TDRD1: variants seen among roughly 807,000 people sequenced by gnomAD.
TDRD1 encodes the protein tudor domain-containing protein 1.
In TDRD1, 37 loss-of-function variants were observed where a neutral mutation model predicts 140.6. That is an observed-to-expected ratio of 0.26 (90% confidence interval 0.20 to 0.35). The LOEUF (loss-of-function observed/expected upper bound fraction) is 0.35, where lower values mean the gene tolerates loss of function less well. Ranked by LOEUF, TDRD1 falls within the 10% of genes least tolerant of loss-of-function variation. The pLI is 1.00. For synonymous variants in TDRD1, 506 were observed against 475.7 expected, an observed-to-expected ratio of 1.06 and a Z score of -0.83; for missense variants, 1,243 against 1,393.0, an observed-to-expected ratio of 0.89 and a Z score of 1.71.
intron 21 of TDRD1, among the ~76,000 whole-genome samples, chr10:114,224,231 A>C (rs1025525718): frequency 6.6e-6 from 1 of 152,168 alleles, no homozygotes; most frequent in Non-Finnish European, 1.5e-5. Flanking sequence ...TTTTCACTTA[A>C]AATTTTGAGG....
intron 21 of TDRD1, among the ~76,000 whole-genome samples, chr10:114,224,217 T>C (rs1475165360): frequency 6.6e-6 from 1 of 152,256 alleles, no homozygotes. Context: ...AGATTGGAAA[T>C]GGTTTTTCAC....
exon 12 of TDRD1, chr10:114,210,692 T>C: frequency 6.2e-7 from 1 of 1,613,044 alleles, no homozygotes; most frequent in Admixed American, 1.7e-5. Context: ...TTTTGTGGTG[T>C]GGTTGCCCAC....
intron 8 of TDRD1, 87 bp from the exon 9 acceptor site, chr10:114,203,986 C>T (rs2034935502): frequency 2.0e-6 from 3 of 1,486,790 alleles, no homozygotes; most frequent in African/African-American, 2.9e-5. Context: ...CTTTCCTTTG[C>T]ACGTTCTATA....
At chr10:114,217,298 A>G (rs561992708) in intron 16 of TDRD1, among the ~76,000 whole-genome samples, 1 of 152,144 alleles carries the variant, frequency 6.6e-6, no homozygotes, top group Non-Finnish European at 1.5e-5. Flanking sequence ...TGTACTGATA[A>G]TCATGCTGTA....
In TDRD1 at chr10:114,189,136, C is replaced by T. The variant is rs578203748; in HGVS notation, c.325+980C>T. The stretch of plus-strand genomic sequence containing the variant: ...AGGAGCGCCAACCTGAGTTTTTCAT[C>T]GTCATGCACTTAAAAGGAAAACCAG... On this transcript the variant is annotated intron_variant, in intron 2 of 25. Transcript: ENST00000251864. Among the ~76,000 whole-genome samples the T allele has an allele frequency of 3.3e-5, 5 of 152,276 alleles. No individual in the cohort carries two copies. In the South Asian group the frequency reaches 8.3e-4, roughly 25 times the overall value.
At chr10:114,217,144 C>T (rs192038657) in intron 16 of TDRD1, among the ~76,000 whole-genome samples, 3 of 152,306 alleles carry the variant, frequency 2.0e-5, no homozygotes, top group South Asian at 4.1e-4. Context: ...ACCTCCAGCA[C>T]GCAGAGCTCA....
chr10:114,202,382 G>T, intron 6 of TDRD1, 84 bp downstream of exon 6: 1 of 951,534 alleles, frequency 1.1e-6, no homozygotes, highest in Non-Finnish European at 1.5e-6. Context: ...GCTTATTTCT[G>T]TATTTTATCA....
intron 21 of TDRD1, among the ~76,000 whole-genome samples, chr10:114,224,584 T>G (rs975733198): frequency 5.9e-5 from 9 of 152,344 alleles, no homozygotes; most frequent in South Asian, 2.1e-4. Context: ...CTCTTTCATC[T>G]TTTTTGTTCT....
chr10:114,188,346 C>A (rs2033697156), intron 2 of TDRD1, among the ~76,000 whole-genome samples, 190 bp downstream of exon 2: 1 of 152,162 alleles, frequency 6.6e-6, no homozygotes, highest in Admixed American at 6.5e-5. Context: ...CTTCATTAAT[C>A]TCAGAAAAAA....
At chr10:114,182,291 A>C (rs1294951136) in intron 1 of TDRD1, among the ~76,000 whole-genome samples, 1 of 152,224 alleles carries the variant, frequency 6.6e-6, no homozygotes, top group African/African-American at 2.4e-5. Context: ...AATGAAAGGA[A>C]ACAAGAAGTT....
At position 114,203,981 on chromosome 10, in the gene TDRD1, C is replaced by T. The variant is rs1244946958; in HGVS notation, c.982-92C>T. On this transcript the variant is annotated intron_variant, in intron 8 of 25. Transcript: ENST00000251864. The stretch of plus-strand genomic sequence containing the variant: ...GAGTGCCTCAGAACAGGAGCCTTTC[C>T]TTTGCACGTTCTATAGATTGATTGA... 4 of 1,473,748 alleles carry T rather than the reference C, an allele frequency of 2.7e-6. No homozygotes were observed. In the African/African-American group the frequency reaches 5.8e-5, roughly 21 times the overall value. 91.3% of individuals were successfully genotyped at this position (1,473,748 alleles called of 1,614,324 possible).
chr10:114,192,795 G>A (rs566624201), intron 3 of TDRD1, among the ~76,000 whole-genome samples: 18 of 152,252 alleles, frequency 1.2e-4, no homozygotes, highest in Non-Finnish European at 1.9e-4. Flanking sequence ...CTTATTTTCT[G>A]TAGATATATG....
At chr10:114,191,100 A>G in intron 3 of TDRD1, 81 bp downstream of exon 3, 1 of 1,391,986 alleles carries the variant, frequency 7.2e-7, no homozygotes, top group Non-Finnish European at 9.9e-7. Flanking sequence ...GAAGTGTTCA[A>G]TTTGTAGGTA....
At chr10:114,179,511 ACGTTGAGGTTGGG>A (rs1180153053) in intron 1 of TDRD1, 95 bp downstream of exon 1, 3 of 152,754 alleles carry the variant, frequency 2.0e-5, no homozygotes, top group African/African-American at 7.2e-5. Context: ...TGGGCGCTGG[ACGTTGAGGTTGGG>A]CGTTGAGCGG....
chr10:114,206,500 A>G (rs529181850), intron 11 of TDRD1, among the ~76,000 whole-genome samples, 170 bp downstream of exon 11: 11 of 152,212 alleles, frequency 7.2e-5, no homozygotes, highest in Admixed American at 4.6e-4. Context: ...TCTAATCTCA[A>G]TCTTTCCTGC....
intron 4 of TDRD1, among the ~76,000 whole-genome samples, chr10:114,200,132 C>T (rs1160591074): frequency 6.6e-6 from 1 of 152,190 alleles, no homozygotes; most frequent in Non-Finnish European, 1.5e-5. Context: ...TTAATTATAG[C>T]CCTTCTCGTG....
intron 9 of TDRD1, 78 bp downstream of exon 9, chr10:114,204,294 T>C (rs1347663432): frequency 2.8e-6 from 4 of 1,439,858 alleles, no homozygotes; most frequent in Non-Finnish European, 3.7e-6. Context: ...GCACAGTGTT[T>C]GCTTGTTCTA....
intron 10 of TDRD1, among the ~76,000 whole-genome samples, 165 bp from the exon 11 acceptor site, chr10:114,206,079 G>A (rs898930807): frequency 2.0e-5 from 3 of 152,162 alleles, no homozygotes; most frequent in African/African-American, 4.8e-5. Context: ...TTTAAGCTGG[G>A]CACTACCATA....
intron 3 of TDRD1, among the ~76,000 whole-genome samples, chr10:114,196,833 CTTTTTT>C (rs36124319): frequency 2.4e-3 from 114 of 48,338 alleles, no homozygotes; most frequent in Non-Finnish European, 3.2e-3. Flanking sequence ...TTCTAGCAGT[CTTTTTT>C]TTTTTTTTTT....
Sources: allele counts gnomAD v4.1 joint callset (sites outside exome capture counted in the v4.1 genomes callset), GRCh38; gene constraint gnomAD v4.1.1; transcripts MANE v1.5; gene names NCBI Gene and HGNC (gene_info 2026-07-23, HGNC 2026-07-21).